Variants in ZNF365 observed in about 807,000 individuals in gnomAD.
The protein encoded by ZNF365 is zinc finger protein 365.
In ZNF365, 22 loss-of-function variants were observed where a neutral mutation model predicts 35.0. The observed-to-expected ratio is 0.63, with a 90% confidence interval of 0.45 to 0.90. The LOEUF (loss-of-function observed/expected upper bound fraction) is 0.90, where lower values mean the gene tolerates loss of function less well. Among genes scored for constraint, ZNF365 ranks in the 40% least tolerant of loss-of-function variants. The pLI is 0.00. For missense variants in ZNF365, 448 were observed against 500.3 expected, an observed-to-expected ratio of 0.90 and a Z score of 1.00; for synonymous variants, 188 against 196.2, an observed-to-expected ratio of 0.96 and a Z score of 0.35.
In ZNF365 at chr10:62,378,810, T is replaced by C. The variant is rs966032813; in HGVS notation, c.743+1874T>C. Among the ~76,000 whole-genome samples, 5 of 152,218 alleles carry C rather than the reference T, an allele frequency of 3.3e-5. No individual in the cohort carries two copies. In the East Asian group the frequency reaches 9.6e-4, roughly 29 times the overall value. ...TTTAATATAATAGATTTCAGGCATC[T>C]TTTGTTTACTAAGTACAGAACTATA... On this transcript the variant is annotated intron_variant, in intron 2 of 4. Transcript: ENST00000395254.
At chr10:62,412,950 T>A (rs1840009336) in intron 3 of ZNF365, among the ~76,000 whole-genome samples, 2 of 152,120 alleles carry the variant, frequency 1.3e-5, no homozygotes, top group African/African-American at 4.8e-5. Flanking sequence ...CTGATGCTGG[T>A]CTTCCCAGGG....
At chr10:62,418,477 G>A (rs1840114758) in intron 3 of ZNF365, among the ~76,000 whole-genome samples, 2 of 151,980 alleles carry the variant, frequency 1.3e-5, no homozygotes, top group African/African-American at 4.8e-5. Context: ...AAGAAGTGAT[G>A]TGCAGCAACC....
intron 4 of ZNF365, among the ~76,000 whole-genome samples, chr10:62,462,874 G>T (rs990048064): frequency 3.3e-5 from 5 of 152,144 alleles, no homozygotes; most frequent in African/African-American, 1.2e-4. Flanking sequence ...GGAAAGATTT[G>T]CTGACAGCTA....
At chr10:62,386,860 T>C (rs1839534393) in intron 2 of ZNF365, among the ~76,000 whole-genome samples, 2 of 146,642 alleles carry the variant, frequency 1.4e-5, no homozygotes, top group South Asian at 4.1e-4. Context: ...AGCCAATGAA[T>C]TTAATTAACT....
Position 62,400,694 on chromosome 10 carries a change from C to T in ZNF365, c.*905C>T. The T allele has an allele frequency of 1.0e-6, 1 of 985,706 alleles. No homozygotes were observed. The highest frequency in any genetic ancestry group is 1.2e-6 in the Non-Finnish European group (1 of 830,042). 61.1% of individuals were successfully genotyped at this position (985,706 alleles called of 1,614,324 possible). On this transcript the variant is annotated 3_prime_UTR_variant, in exon 5 of 5. Transcript: ENST00000395254. ...CACTGCGGGTGTCGCCAAGCCCTTT[C>T]CTAAGACCTGCTTCCCGGCCAGTGT...
intron 3 of ZNF365, among the ~76,000 whole-genome samples, chr10:62,435,788 C>T (rs1377893822): frequency 2.0e-5 from 3 of 152,154 alleles, no homozygotes; most frequent in Non-Finnish European, 4.4e-5. Context: ...AGAAAACAAA[C>T]TCATTTCTTT....
chr10:62,382,984 T>C (rs1839465416), intron 2 of ZNF365, among the ~76,000 whole-genome samples: 1 of 152,222 alleles, frequency 6.6e-6, no homozygotes, highest in African/African-American at 2.4e-5. Context: ...TGTTTAAGAA[T>C]AGAAGAGAGG....
chr10:62,459,860 TC>T, intron 4 of ZNF365: 1 of 1,489,730 alleles, frequency 6.7e-7, no homozygotes, highest in Non-Finnish European at 9.2e-7. Context: ...CCCATCTGGG[TC>T]CATATGAGAG....
At chr10:62,415,265 A>T (rs1049954988) in intron 3 of ZNF365, among the ~76,000 whole-genome samples, 8 of 152,058 alleles carry the variant, frequency 5.3e-5, no homozygotes, top group Admixed American at 3.3e-4. Context: ...TGTAAGAATT[A>T]TATAGGCTCC....
chr10:62,412,750 A>G (rs995750643), intron 3 of ZNF365, among the ~76,000 whole-genome samples: 1 of 152,176 alleles, frequency 6.6e-6, no homozygotes, highest in Non-Finnish European at 1.5e-5. Context: ...ACTACAAACC[A>G]CTGCTAAAGG....
chr10:62,397,542 C>T (rs1839751366), intron 3 of ZNF365, among the ~76,000 whole-genome samples: 1 of 152,174 alleles, frequency 6.6e-6, no homozygotes, highest in Non-Finnish European at 1.5e-5. Flanking sequence ...TGGAAATACA[C>T]TGCCTATACA....
downstream of ZNF365, among the ~76,000 whole-genome samples, chr10:62,403,959 A>C (rs1336560365): frequency 3.9e-5 from 6 of 152,230 alleles, no homozygotes; most frequent in East Asian, 9.6e-4. Context: ...AGAGCTTTAG[A>C]AATTGAATTC....
intron 4 of ZNF365, among the ~76,000 whole-genome samples, chr10:62,464,970 C>T (rs564176514): frequency 6.6e-6 from 1 of 152,332 alleles, no homozygotes; most frequent in African/African-American, 2.4e-5. Flanking sequence ...AACAGGAGCC[C>T]TGCACCCTAT....
chr10:62,447,366 A>G (rs1047350010), intron 3 of ZNF365, among the ~76,000 whole-genome samples: 2 of 152,228 alleles, frequency 1.3e-5, no homozygotes, highest in African/African-American at 2.4e-5. Flanking sequence ...GCTAAGTGAC[A>G]TAAACTGCTT....
intron 4 of ZNF365, among the ~76,000 whole-genome samples, chr10:62,461,468 T>C (rs1840846044): frequency 6.6e-6 from 1 of 152,220 alleles, no homozygotes; most frequent in Non-Finnish European, 1.5e-5. Context: ...ACTCCATCCC[T>C]GCTCTTCAGA....
chr10:62,417,466 A>G (rs759346299), intron 3 of ZNF365, among the ~76,000 whole-genome samples: 1 of 152,056 alleles, frequency 6.6e-6, no homozygotes, highest in African/African-American at 2.4e-5. Flanking sequence ...TGCAGGCTTT[A>G]CCTCTAAAGG....
At chr10:62,480,171 C>A in exon 5 of ZNF365, 1 of 1,200,750 alleles carries the variant, frequency 8.3e-7, no homozygotes. Context: ...TATAACCCAT[C>A]ATAGCAAGTA....
At chr10:62,460,529 T>G (rs1449963405) in intron 4 of ZNF365, among the ~76,000 whole-genome samples, 1 of 152,198 alleles carries the variant, frequency 6.6e-6, no homozygotes, top group Admixed American at 6.5e-5. Flanking sequence ...AATACCTTAT[T>G]GTACTGTATT....
intron 3 of ZNF365, among the ~76,000 whole-genome samples, chr10:62,443,738 GA>G (rs1213623153): frequency 6.6e-6 from 1 of 152,134 alleles, no homozygotes; most frequent in Non-Finnish European, 1.5e-5. Context: ...TCTGTGCTCA[GA>G]ACCCCCACAT....
Sources: allele counts gnomAD v4.1 joint callset (sites outside exome capture counted in the v4.1 genomes callset), GRCh38; gene constraint gnomAD v4.1.1; transcripts MANE v1.5; gene names NCBI Gene and HGNC (gene_info 2026-07-23, HGNC 2026-07-21).